The following EIF3H variants were observed in gnomAD, a reference collection of about 807,000 sequenced individuals.
The protein encoded by EIF3H is eIF-3-gamma.
Under a neutral mutation model 44.2 loss-of-function variants are expected in EIF3H, and 26 were observed. The observed-to-expected ratio is 0.59, with a 90% CI of 0.43 to 0.82. The LOEUF (loss-of-function observed/expected upper bound fraction) is 0.82. Ranked by LOEUF, EIF3H falls within the 40% of genes least tolerant of loss-of-function variation. EIF3H has a pLI of 0.00. For synonymous variants in EIF3H, 166 were observed against 151.9 expected, an observed-to-expected ratio of 1.09 and a Z score of -0.68; for missense variants, 359 against 432.8, an observed-to-expected ratio of 0.83 and a Z score of 1.51.
chr8:116,691,461 A>G (rs150870377), intron 2 of EIF3H, among the ~76,000 whole-genome samples: 218 of 152,234 alleles, frequency 1.4e-3, no homozygotes, highest in African/African-American at 5.2e-3. Flanking sequence ...TATGTACTAC[A>G]TAATCCCCAT....
At chr8:116,739,478 A>G (rs10085941) in intron 1 of EIF3H, among the ~76,000 whole-genome samples, 129,696 of 152,076 alleles carry the variant, frequency 0.85, 55,480 homozygotes, top group Middle Eastern at 0.89. Flanking sequence ...GTGAAACCCC[A>G]TCTCTACTAA....
At chr8:116,740,741 C>T (rs1028176339) in intron 1 of EIF3H, among the ~76,000 whole-genome samples, 1 of 152,106 alleles carries the variant, frequency 6.6e-6, no homozygotes, top group Non-Finnish European at 1.5e-5. Flanking sequence ...AATGTACACA[C>T]CAATGTGACT....
intron 1 of EIF3H, among the ~76,000 whole-genome samples, chr8:116,747,399 T>C (rs1334854156): frequency 1.3e-5 from 2 of 152,194 alleles, no homozygotes; most frequent in African/African-American, 2.4e-5. Context: ...CATCAAAACA[T>C]GGTTAGATTG....
chr8:116,752,696 GAAA>G (rs1563662899), intron 1 of EIF3H, among the ~76,000 whole-genome samples: 1 of 124,676 alleles, frequency 8.0e-6, no homozygotes, highest in Non-Finnish European at 1.7e-5. Context: ...AAGAAAGAAA[GAAA>G]GAAAGAAAGA....
At chr8:116,652,164 T>C (rs1250008162) in intron 5 of EIF3H, among the ~76,000 whole-genome samples, 2 of 152,156 alleles carry the variant, frequency 1.3e-5, no homozygotes, top group Non-Finnish European at 1.5e-5. Context: ...AGCTATAGTT[T>C]CACAGGCTCC....
chr8:116,692,914 A>C (rs1331632952), intron 2 of EIF3H, among the ~76,000 whole-genome samples: 1 of 152,192 alleles, frequency 6.6e-6, no homozygotes, highest in Non-Finnish European at 1.5e-5. Flanking sequence ...TCTTTGTATC[A>C]ATATAAATTA....
chr8:116,717,257 AAC>A (rs1814672995), intron 2 of EIF3H, among the ~76,000 whole-genome samples: 1 of 152,166 alleles, frequency 6.6e-6, no homozygotes, highest in Non-Finnish European at 1.5e-5. Flanking sequence ...AGACTACACA[AAC>A]AAATGGAAAC....
At chr8:116,672,681 G>A (rs1452224890) in intron 2 of EIF3H, among the ~76,000 whole-genome samples, 3 of 151,960 alleles carry the variant, frequency 2.0e-5, no homozygotes, top group South Asian at 4.2e-4. Context: ...CAGTGGTCAG[G>A]AGAGGGAGAA....
intron 2 of EIF3H, among the ~76,000 whole-genome samples, chr8:116,720,135 G>T (rs1413039099): frequency 3.9e-5 from 6 of 152,152 alleles, no homozygotes; most frequent in African/African-American, 1.2e-4. Flanking sequence ...ATTTATATAA[G>T]TACACAGAAT....
chr8:116,642,145 T>C lies in EIF3H; in HGVS notation c.*2861A>G, dbSNP rs566041154. 1 of 152,278 alleles carries C rather than the reference T, an allele frequency of 6.6e-6. No individual in the cohort carries two copies. Among genetic ancestry groups the C allele is most frequent in the Admixed American group, 6.5e-5 (1 of 15,294 alleles). 9.4% of individuals were successfully genotyped at this position (152,278 alleles called of 1,614,324 possible). On this transcript the variant is annotated 3_prime_UTR_variant, in exon 8 of 8. Coordinates refer to ENST00000521861, the MANE Select transcript of EIF3H (RefSeq NM_003756.3). Reference sequence around the variant, plus strand: ...ACATACTTAATTTGGTTGAGAAGTGTTTATTGTAAAAATGGAGTTTATAAT... The same window carrying C: ...ACATACTTAATTTGGTTGAGAAGTGCTTATTGTAAAAATGGAGTTTATAAT...
chr8:116,752,703 A>G (rs2130991472), intron 1 of EIF3H, among the ~76,000 whole-genome samples: 1 of 134,170 alleles, frequency 7.5e-6, no homozygotes, highest in African/African-American at 2.7e-5. Context: ...AAAGAAAGAA[A>G]GAAAGAAAGA....
chr8:116,754,842 C>T (rs1487530795), intron 1 of EIF3H, among the ~76,000 whole-genome samples: 1 of 152,218 alleles, frequency 6.6e-6, no homozygotes, highest in African/African-American at 2.4e-5. Context: ...TTACAATTTT[C>T]ACATGAATTT....
chr8:116,651,069 A>G (rs866925058), intron 5 of EIF3H, among the ~76,000 whole-genome samples: 1 of 152,244 alleles, frequency 6.6e-6, no homozygotes, highest in South Asian at 2.1e-4. Flanking sequence ...AATGTTCTAG[A>G]GCTAGTAATG....
At chr8:116,659,864 A>T (rs992837533) in intron 2 of EIF3H, among the ~76,000 whole-genome samples, 3 of 152,154 alleles carry the variant, frequency 2.0e-5, no homozygotes, top group Non-Finnish European at 1.5e-5. Context: ...TCAACATAAT[A>T]GCCATGCTAT....
chr8:116,755,437 C>T lies in EIF3H; in HGVS notation c.132+229G>A, dbSNP rs75591213. 4.9e-3 allele frequency among the ~76,000 whole-genome samples: 748 copies of T among 152,298 alleles called. 7 individuals carry two copies. The highest frequency in any genetic ancestry group is 0.017 in the African/African-American group (723 of 41,556). On this transcript the variant is annotated intron_variant, in intron 1 of 7. Coordinates refer to ENST00000521861, the MANE Select transcript of EIF3H (RefSeq NM_003756.3). ...AGACCCCAGGAACCTGTCACTCACA[C>T]CCCTATTCTCAGTCCCCTTCCTGAA...
At chr8:116,732,195 A>G (rs1814961264) in intron 1 of EIF3H, among the ~76,000 whole-genome samples, 1 of 152,154 alleles carries the variant, frequency 6.6e-6, no homozygotes, top group Admixed American at 6.5e-5. Context: ...AATGAACACA[A>G]TGCTACTTTT....
chr8:116,677,869 G>A (rs1476066885), intron 2 of EIF3H, among the ~76,000 whole-genome samples: 1 of 152,114 alleles, frequency 6.6e-6, no homozygotes, highest in Admixed American at 6.5e-5. Context: ...AAAAATATTT[G>A]TTTTTAAATG....
At chr8:116,725,905 A>C in intron 2 of EIF3H, 111 bp downstream of exon 2, 1 of 1,289,994 alleles carries the variant, frequency 7.8e-7, no homozygotes, top group Non-Finnish European at 1.1e-6. Flanking sequence ...CAAGTGAAGT[A>C]GGCTAGCCTG....
At chr8:116,703,307 G>A (rs1814409837) in intron 2 of EIF3H, among the ~76,000 whole-genome samples, 1 of 152,100 alleles carries the variant, frequency 6.6e-6, no homozygotes, top group Non-Finnish European at 1.5e-5. Flanking sequence ...CTGGTCTAGT[G>A]GTAATGCCAA....
Sources: gnomAD v4.1 joint callset for allele counts (sites outside exome capture counted in the v4.1 genomes callset) on GRCh38, gnomAD v4.1.1 for gene constraint, MANE v1.5 for transcripts, NCBI Gene and HGNC (gene_info 2026-07-23, HGNC 2026-07-21) for gene names.